Variants in CA10 observed in about 807,000 individuals in gnomAD.
The protein encoded by CA10 is carbonic anhydrase 10 (inactive).
Under a neutral mutation model 44.2 loss-of-function variants are expected in CA10, and 14 were observed. That is an observed-to-expected ratio of 0.32 (90% CI 0.21 to 0.50). The LOEUF (loss-of-function observed/expected upper bound fraction) is 0.50. Among genes scored for constraint, CA10 ranks in the 20% least tolerant of loss-of-function variants. The pLI is 0.99. For synonymous variants in CA10, 159 were observed against 141.6 expected, an observed-to-expected ratio of 1.12 and a Z score of -0.87; for missense variants, 350 against 409.7, an observed-to-expected ratio of 0.85 and a Z score of 1.26.
intron 2 of CA10, among the ~76,000 whole-genome samples, chr17:51,963,863 C>T (rs1268600006): frequency 6.6e-6 from 1 of 152,142 alleles, no homozygotes; most frequent in East Asian, 1.9e-4. Context: ...ACAATAGAAA[C>T]TATAAAGCAA....
intron 2 of CA10, among the ~76,000 whole-genome samples, chr17:52,057,543 T>C (rs1021243027): frequency 6.6e-6 from 1 of 152,102 alleles, no homozygotes; most frequent in South Asian, 2.1e-4. Context: ...CGGTCAACCA[T>C]AGGCTCTTAG....
intron 3 of CA10, among the ~76,000 whole-genome samples, chr17:51,750,227 CA>C (rs1333068652): frequency 8.5e-5 from 13 of 152,106 alleles, no homozygotes; most frequent in Non-Finnish European, 1.6e-4. Flanking sequence ...CACAATTAAA[CA>C]GGAATCACCA....
At chr17:51,724,715 A>T (rs1195315243) in intron 4 of CA10, among the ~76,000 whole-genome samples, 2 of 152,216 alleles carry the variant, frequency 1.3e-5, no homozygotes, top group African/African-American at 4.8e-5. Context: ...TGAAAATACA[A>T]TGTAAAAGAG....
chr17:51,960,412 C>T (rs1004743678), intron 2 of CA10, among the ~76,000 whole-genome samples: 2 of 151,456 alleles, frequency 1.3e-5, no homozygotes, highest in Non-Finnish European at 2.9e-5. Flanking sequence ...CTGAGAAACA[C>T]CCCCCACCAC....
intron 3 of CA10, among the ~76,000 whole-genome samples, chr17:51,815,823 T>C (rs1410643815): frequency 6.6e-6 from 1 of 151,974 alleles, no homozygotes; most frequent in Non-Finnish European, 1.5e-5. Flanking sequence ...ATAAATATAA[T>C]GGGATACACG....
chr17:51,697,058 T>G lies in CA10; in HGVS notation c.466-43322A>C, dbSNP rs149764186. 4.9e-3 allele frequency among the ~76,000 whole-genome samples: 742 copies of G among 151,068 alleles called. 9 individuals carry two copies. Among genetic ancestry groups the G allele is most frequent in the African/African-American group, 0.017 (704 of 40,702 alleles). ...CACAGGTAGGTATCTCCCAGGGGCC[T>G]CTTAAGAGGTAATAATGCAACGTAA... On this transcript the variant is annotated intron_variant, in intron 4 of 8. Coordinates refer to ENST00000451037, the MANE Select transcript of CA10 (RefSeq NM_020178.5).
chr17:51,889,741 C>T (rs1347830824), intron 3 of CA10, among the ~76,000 whole-genome samples: 1 of 152,170 alleles, frequency 6.6e-6, no homozygotes, highest in Non-Finnish European at 1.5e-5. Context: ...ATAGTAGCAT[C>T]ACTTACCATT....
chr17:52,026,289 G>A (rs1050991793), intron 2 of CA10, among the ~76,000 whole-genome samples: 1 of 152,152 alleles, frequency 6.6e-6, no homozygotes, highest in African/African-American at 2.4e-5. Flanking sequence ...AATTACGTAA[G>A]CCTCAAAGTC....
intron 4 of CA10, among the ~76,000 whole-genome samples, chr17:51,685,176 T>C (rs566700614): frequency 2.6e-5 from 4 of 152,324 alleles, no homozygotes; most frequent in South Asian, 4.1e-4. Context: ...CCCAGCTTGA[T>C]TAGAGATAGC....
intron 2 of CA10, among the ~76,000 whole-genome samples, chr17:51,981,663 A>C (rs1410321323): frequency 6.6e-6 from 1 of 152,088 alleles, no homozygotes; most frequent in African/African-American, 2.4e-5. Flanking sequence ...ACTGTAAATA[A>C]ATAATATTTT....
Position 52,158,160 on chromosome 17 carries a change from C to T in CA10, c.-374G>A. ...TGAAGCCACCAACACTGGGCTCTTC[C>T]AGCAAAAACGAGACCCCGATTCGTC... is the stretch of plus-strand genomic sequence containing the variant. On this transcript the variant is annotated 5_prime_UTR_variant, in exon 1 of 9. Transcript: ENST00000451037. The T allele has an allele frequency of 2.8e-6, 1 of 358,706 alleles. No individual in the cohort carries two copies. The highest frequency in any genetic ancestry group is 5.2e-6 in the Non-Finnish European group (1 of 192,666). The allele number at this position is 358,706 out of a possible 1,614,324, so 22.2% of individuals were successfully genotyped here. A position where few individuals can be genotyped will look rare whatever the true frequency, so the allele number is the denominator to read the frequency against.
rs142692194 is a variant in CA10, at chr17:52,141,000, T to C, written c.61+16726A>G. On this transcript the variant is annotated intron_variant, in intron 1 of 8. Transcript: ENST00000451037. Reference sequence around the variant, plus strand: ...TCAGGTTGTCATTCCTAAAATTGCTTGTTCTCCAGGTGATGTTCTTATTTC... The same window carrying C: ...TCAGGTTGTCATTCCTAAAATTGCTCGTTCTCCAGGTGATGTTCTTATTTC... Among the ~76,000 whole-genome samples the C allele has an allele frequency of 3.6e-4, 55 of 152,304 alleles. No individual in the cohort carries two copies. In the East Asian group the frequency reaches 9.3e-3, roughly 26 times the overall value.
At chr17:51,805,697 C>T (rs1326936205) in intron 3 of CA10, among the ~76,000 whole-genome samples, 1 of 152,216 alleles carries the variant, frequency 6.6e-6, no homozygotes, top group Non-Finnish European at 1.5e-5. Flanking sequence ...AATTGTGCAA[C>T]CATCTCCATA....
chr17:51,918,929 G>A (rs1158506180), intron 3 of CA10, among the ~76,000 whole-genome samples: 7 of 152,142 alleles, frequency 4.6e-5, no homozygotes, highest in African/African-American at 7.2e-5. Flanking sequence ...CATTAATAAA[G>A]TTGTATCTAT....
chr17:51,866,581 T>C (rs903777485), intron 3 of CA10, among the ~76,000 whole-genome samples: 1 of 152,210 alleles, frequency 6.6e-6, no homozygotes, highest in Non-Finnish European at 1.5e-5. Context: ...TTGCCCTTGC[T>C]CCTTCTGCAC....
At chr17:51,924,972 A>G (rs1425616590) in intron 3 of CA10, among the ~76,000 whole-genome samples, 1 of 152,184 alleles carries the variant, frequency 6.6e-6, no homozygotes, top group Non-Finnish European at 1.5e-5. Flanking sequence ...AGATATGGGG[A>G]AAAATCAGCT....
intron 2 of CA10, among the ~76,000 whole-genome samples, chr17:52,046,172 G>T (rs1986906046): frequency 6.6e-6 from 1 of 151,352 alleles, no homozygotes; most frequent in Non-Finnish European, 1.5e-5. Flanking sequence ...AGAAAGAGCA[G>T]AGAAAACTGA....
intron 3 of CA10, among the ~76,000 whole-genome samples, chr17:51,755,359 A>T (rs2143624380): frequency 6.6e-6 from 1 of 152,274 alleles, no homozygotes; most frequent in South Asian, 2.1e-4. Flanking sequence ...TTTAATGGAG[A>T]TAGCGCTTGT....
At chr17:51,856,250 A>G (rs1979037603) in intron 3 of CA10, among the ~76,000 whole-genome samples, 1 of 152,140 alleles carries the variant, frequency 6.6e-6, no homozygotes, top group Non-Finnish European at 1.5e-5. Flanking sequence ...CTCCCATGCA[A>G]TAGCAGTGGC....
Sources: allele counts gnomAD v4.1 joint callset (sites outside exome capture counted in the v4.1 genomes callset), GRCh38; gene constraint gnomAD v4.1.1; transcripts MANE v1.5; gene names NCBI Gene and HGNC (gene_info 2026-07-23, HGNC 2026-07-21).